The following SMCO1 variants were observed in gnomAD, a reference collection of about 807,000 sequenced individuals.
SMCO1 encodes single-pass membrane protein with coiled-coil domains 1.
A neutral mutation model predicts 7.5 loss-of-function variants in SMCO1; 9 were observed. The ratio of observed to expected loss-of-function variants is 1.20; its 90% CI spans 0.72 to 2.09. SMCO1 has a LOEUF of 2.09. Among genes scored for constraint, SMCO1 ranks in the 30% most tolerant of loss-of-function variants. The pLI is 0.00. For missense variants in SMCO1, 219 were observed against 253.1 expected (o/e 0.87, Z 0.91); for synonymous variants, 90 against 93.8 (o/e 0.96, Z 0.23).
intron 2 of SMCO1, among the ~76,000 whole-genome samples, chr3:196,509,173 C>A (rs1310437370): frequency 6.7e-6 from 1 of 149,622 alleles, no homozygotes; most frequent in Non-Finnish European, 1.5e-5. Flanking sequence ...CCTCAGCCTC[C>A]CGAGTAGTTG....
upstream of SMCO1, among the ~76,000 whole-genome samples, chr3:196,516,261 A>C (rs1733388517): frequency 6.6e-6 from 1 of 151,778 alleles, no homozygotes; most frequent in African/African-American, 2.4e-5. Context: ...GATAGAGACC[A>C]TAAAAATAAT....
At chr3:196,512,575 G>A (rs1733277200) in intron 1 of SMCO1, among the ~76,000 whole-genome samples, 1 of 137,968 alleles carries the variant, frequency 7.2e-6, no homozygotes, top group Admixed American at 7.7e-5. Flanking sequence ...ACAGTGGCAC[G>A]ATCCTGGCTC....
chr3:196,519,003 C>A (rs575278638), upstream of SMCO1, among the ~76,000 whole-genome samples: 2 of 152,320 alleles, frequency 1.3e-5, no homozygotes, highest in African/African-American at 4.8e-5. Flanking sequence ...CCAGTGCACA[C>A]CCTTGTGTTA....
At chr3:196,518,790 T>A (rs1434846297), upstream of SMCO1, among the ~76,000 whole-genome samples, 5 of 152,158 alleles carry the variant, frequency 3.3e-5, no homozygotes, top group Non-Finnish European at 7.4e-5. Context: ...CAAGCATCCA[T>A]CAGCCAGTTA....
At position 196,509,649 on chromosome 3, in the gene SMCO1, G is replaced by A. The variant is rs143475959; in HGVS notation, c.71C>T (p.Ala24Val). 2.1e-4 allele frequency: 342 copies of A among 1,613,990 alleles called. 1 individual carries two copies. The African/African-American group carries it at 3.6e-3, about 17-fold the overall frequency. The change falls in exon 2 of 3, where the codon GCG becomes GTG. Residue 24 changes from alanine (A) to valine (V), a missense_variant. Coordinates refer to ENST00000397537, the MANE Select transcript of SMCO1 (RefSeq NM_001077657.3). Reference protein sequence around the residue: ...AMKRVDHKLQALETQFKELDF... With the variant: ...AMKRVDHKLQVLETQFKELDF... Reference sequence around the variant, plus strand: ...TAGTTCTTTGAACTGTGTTTCTAACGCTTGGAGTTTGTGGTCTACTCTGTA... The same window carrying A: ...TAGTTCTTTGAACTGTGTTTCTAACACTTGGAGTTTGTGGTCTACTCTGTA...
chr3:196,513,476 A>G (rs1250985279), intron 1 of SMCO1, among the ~76,000 whole-genome samples: 5 of 152,060 alleles, frequency 3.3e-5, no homozygotes, highest in Admixed American at 6.6e-5. Context: ...TAAAAATACA[A>G]AAATTAGCCG....
At chr3:196,513,328 C>T (rs1194749896) in intron 1 of SMCO1, among the ~76,000 whole-genome samples, 2 of 125,852 alleles carry the variant, frequency 1.6e-5, no homozygotes, top group African/African-American at 5.7e-5. Context: ...GACCCTGTGT[C>T]AAAAAAAAAA....
upstream of SMCO1, among the ~76,000 whole-genome samples, chr3:196,518,543 G>A (rs1436519911): frequency 6.6e-6 from 1 of 152,070 alleles, no homozygotes; most frequent in African/African-American, 2.4e-5. Flanking sequence ...TCTAACTCCT[G>A]ACCTCAAGTG....
chr3:196,515,985 TAGG>T (rs10546302), upstream of SMCO1, among the ~76,000 whole-genome samples: 1,515 of 19,938 alleles, frequency 0.076, 65 homozygotes, highest in African/African-American at 0.18. Flanking sequence ...GGCAAGAGGA[TAGG>T]ATATATATAT....
chr3:196,514,190 G>C (rs749543163), intron 1 of SMCO1, among the ~76,000 whole-genome samples: 2 of 152,264 alleles, frequency 1.3e-5, no homozygotes, highest in Non-Finnish European at 2.9e-5. Flanking sequence ...GATATACTCA[G>C]AGGCAAACTG....
intron 2 of SMCO1, among the ~76,000 whole-genome samples, chr3:196,508,709 G>T (rs1733126105): frequency 6.6e-6 from 1 of 151,080 alleles, no homozygotes; most frequent in Non-Finnish European, 1.5e-5. Context: ...GGACGAGGTG[G>T]TTGGATCACC....
At chr3:196,516,057 T>TTA (rs10636541), upstream of SMCO1, among the ~76,000 whole-genome samples, 60,473 of 116,852 alleles carry the variant, frequency 0.52, 17,838 homozygotes, top group African/African-American at 0.78. Context: ...ATACATATAA[T>TTA]TATATATAAT....
chr3:196,517,240 A>T (rs1733410232), upstream of SMCO1, among the ~76,000 whole-genome samples: 1 of 150,346 alleles, frequency 6.7e-6, no homozygotes, highest in Non-Finnish European at 1.5e-5. Context: ...GAGTGATAGG[A>T]GTGTCTTTTT....
Position 196,515,235 on chromosome 3 carries a change from C to T in SMCO1, c.-26G>A, listed in dbSNP as rs1434499885. 3 of 1,570,346 alleles carry T rather than the reference C, an allele frequency of 1.9e-6. No individual in the cohort carries two copies. The highest frequency in any genetic ancestry group is 4.5e-5 in the East Asian group (2 of 44,686). The stretch of plus-strand genomic sequence containing the variant: ...CTTCTGAAGGCAAAAGGAAAGAAAA[C>T]AAAAACAAAGCAAAACAAAAAAAGC... On this transcript the variant is annotated 5_prime_UTR_variant, in exon 1 of 3. Transcript: ENST00000397537.
At chr3:196,515,074 C>T (rs1459908332) in intron 1 of SMCO1, 86 bp downstream of exon 1, 2 of 1,490,010 alleles carry the variant, frequency 1.3e-6, no homozygotes, top group African/African-American at 2.8e-5. Context: ...GTCTGCAGTT[C>T]TTTATTTCTA....
intron 2 of SMCO1, among the ~76,000 whole-genome samples, chr3:196,508,876 G>A (rs1733131497): frequency 7.1e-6 from 1 of 141,676 alleles, no homozygotes; most frequent in Non-Finnish European, 1.5e-5. Context: ...AGTGGAGCTT[G>A]CAGGGAGCCA....
intron 1 of SMCO1, among the ~76,000 whole-genome samples, chr3:196,513,233 G>T (rs1733296069): frequency 6.6e-6 from 1 of 151,974 alleles, no homozygotes; most frequent in Admixed American, 6.6e-5. Flanking sequence ...GGGAAGCTGA[G>T]GTATGAGAAT....
At chr3:196,519,428 T>C (rs560217037), upstream of SMCO1, among the ~76,000 whole-genome samples, 1 of 152,356 alleles carries the variant, frequency 6.6e-6, no homozygotes, top group African/African-American at 2.4e-5. Flanking sequence ...TTCTTTATGC[T>C]GCTTCTGTGA....
chr3:196,512,513 T>TC (rs1293985029), intron 1 of SMCO1, among the ~76,000 whole-genome samples: 2 of 143,548 alleles, frequency 1.4e-5, no homozygotes, highest in African/African-American at 5.3e-5. Flanking sequence ...TCCTTTCTTT[T>TC]TTTTTTTTTT....
Sources: gnomAD v4.1 joint callset for allele counts (sites outside exome capture counted in the v4.1 genomes callset) on GRCh38, gnomAD v4.1.1 for gene constraint, MANE v1.5 for transcripts, NCBI Gene and HGNC (gene_info 2026-07-23, HGNC 2026-07-21) for gene names.